The following CDA variants were observed in gnomAD, a reference collection of about 807,000 sequenced individuals.
CDA encodes cytidine deaminase.
A neutral mutation model predicts 15.0 loss-of-function variants in CDA; 7 were observed. The ratio of observed to expected loss-of-function variants is 0.47; its 90% CI spans 0.26 to 0.87. The LOEUF (loss-of-function observed/expected upper bound fraction) is 0.87, where lower values mean the gene tolerates loss of function less well. Ranked by LOEUF, CDA falls within the 40% of genes least tolerant of loss-of-function variation. The pLI, the probability that CDA is intolerant of heterozygous loss-of-function variation, is 0.15. For synonymous variants in CDA, 58 were observed against 73.0 expected (o/e 0.79, Z 1.05); for missense variants, 159 against 182.7 (o/e 0.87, Z 0.75).
rs1476192297 is a variant in CDA, at chr1:20,609,010, C to T, written c.266+3971C>T. Reference sequence around the variant, plus strand: ...TGTGTAAGCCATTACTGTTAATGCGCTGTCTCTACATCCTCAGTGCTAGGC... The same window carrying T: ...TGTGTAAGCCATTACTGTTAATGCGTTGTCTCTACATCCTCAGTGCTAGGC... On this transcript the variant is annotated intron_variant, in intron 2 of 3. Transcript: ENST00000375071. Among the ~76,000 whole-genome samples, 5 of 152,338 alleles carry T rather than the reference C, an allele frequency of 3.3e-5. No homozygotes were observed. The East Asian group carries it at 9.6e-4, about 29-fold the overall frequency.
intron 2 of CDA, among the ~76,000 whole-genome samples, chr1:20,608,393 A>T (rs575276209): frequency 3.0e-4 from 31 of 104,996 alleles, no homozygotes; most frequent in East Asian, 1.1e-3. Flanking sequence ...ACTATTATAT[A>T]GTTTTGTTTT....
At chr1:20,590,527 A>C (rs1229034730) in intron 1 of CDA, among the ~76,000 whole-genome samples, 1 of 152,194 alleles carries the variant, frequency 6.6e-6, no homozygotes, top group Non-Finnish European at 1.5e-5. Context: ...TCAGCCCTTG[A>C]TTCTTTCGAA....
At chr1:20,598,628 C>T (rs1410165571) in intron 1 of CDA, among the ~76,000 whole-genome samples, 1 of 152,214 alleles carries the variant, frequency 6.6e-6, no homozygotes, top group Admixed American at 6.5e-5. Context: ...CTGACTTGGC[C>T]ATTTTCTCAC....
At chr1:20,616,415 C>T (rs1393510710) in intron 3 of CDA, among the ~76,000 whole-genome samples, 1 of 152,138 alleles carries the variant, frequency 6.6e-6, no homozygotes, top group Non-Finnish European at 1.5e-5. Context: ...CTTCCTCCTG[C>T]TTCCTGCCAG....
At chr1:20,597,926 G>A (rs1441873154) in intron 1 of CDA, among the ~76,000 whole-genome samples, 1 of 148,322 alleles carries the variant, frequency 6.7e-6, no homozygotes, top group Non-Finnish European at 1.5e-5. Context: ...GAAAATTCAA[G>A]GAAATTACTT....
At chr1:20,607,951 C>T (rs1006144696) in intron 2 of CDA, among the ~76,000 whole-genome samples, 3 of 152,164 alleles carry the variant, frequency 2.0e-5, no homozygotes, top group African/African-American at 7.2e-5. Context: ...ATGAGACTGC[C>T]CCACTGGGTC....
chr1:20,606,128 T>A lies in CDA; in HGVS notation c.266+1089T>A, dbSNP rs1484174615. Among the ~76,000 whole-genome samples the A allele has an allele frequency of 3.2e-5, 4 of 124,114 alleles. 1 individual carries two copies. The highest frequency in any genetic ancestry group is 3.1e-4 in the Admixed American group (4 of 12,702). 81.4% of individuals were successfully genotyped at this position (124,114 alleles called of 152,430 possible). On this transcript the variant is annotated intron_variant, in intron 2 of 3. Coordinates refer to ENST00000375071, the MANE Select transcript of CDA (RefSeq NM_001785.3). ...GTGCACTCAAGGAGAAGGGCTCCAG[T>A]ATCCGATAGCCTTCCCTGTCACCGA...
intron 1 of CDA, among the ~76,000 whole-genome samples, chr1:20,601,450 G>C (rs938433757): frequency 6.6e-6 from 1 of 152,246 alleles, no homozygotes; most frequent in Admixed American, 6.5e-5. Context: ...TGTCAAAACA[G>C]TAGATGCTCA....
chr1:20,605,183 A>G, intron 2 of CDA, 144 bp downstream of exon 2: 2 of 702,632 alleles, frequency 2.8e-6, no homozygotes, highest in Non-Finnish European at 5.2e-6. Flanking sequence ...GGGCCCTGGG[A>G]TGAGTGCTGA....
intron 1 of CDA, among the ~76,000 whole-genome samples, chr1:20,591,952 T>C (rs951756909): frequency 6.6e-6 from 1 of 151,860 alleles, no homozygotes; most frequent in African/African-American, 2.4e-5. Flanking sequence ...CAAGCGATTC[T>C]CCTGCCTCAG....
chr1:20,610,189 T>C (rs941133820), intron 2 of CDA, among the ~76,000 whole-genome samples: 4 of 152,082 alleles, frequency 2.6e-5, no homozygotes, highest in Non-Finnish European at 5.9e-5. Context: ...CAGTAAATAT[T>C]TGTTGGTTGA....
At chr1:20,592,705 G>A (rs750158521) in intron 1 of CDA, among the ~76,000 whole-genome samples, 3 of 152,178 alleles carry the variant, frequency 2.0e-5, no homozygotes, top group Non-Finnish European at 4.4e-5. Context: ...TGAATGAAAG[G>A]CTTCTACTAG....
At chr1:20,608,250 T>C (rs1022790066) in intron 2 of CDA, among the ~76,000 whole-genome samples, 1 of 152,116 alleles carries the variant, frequency 6.6e-6, no homozygotes, top group Non-Finnish European at 1.5e-5. Context: ...CCAGCCGCAT[T>C]ATGGACCTTG....
At chr1:20,600,408 G>C (rs191543863) in intron 1 of CDA, among the ~76,000 whole-genome samples, 2 of 152,196 alleles carry the variant, frequency 1.3e-5, no homozygotes, top group Non-Finnish European at 2.9e-5. Context: ...AGGGATGTCA[G>C]TGAAGGTGGG....
intron 2 of CDA, among the ~76,000 whole-genome samples, chr1:20,612,900 G>A (rs901216705): frequency 7.6e-6 from 1 of 130,790 alleles, no homozygotes; most frequent in African/African-American, 2.9e-5. Context: ...CCAAGATCAC[G>A]CCACTGCACT....
At chr1:20,589,897 G>A (rs1442925601) in intron 1 of CDA, among the ~76,000 whole-genome samples, 1 of 152,188 alleles carries the variant, frequency 6.6e-6, no homozygotes, top group South Asian at 2.1e-4. Context: ...CTGGGCTTTC[G>A]GAGTCCAGCA....
chr1:20,613,808 A>C (rs960644756), intron 2 of CDA, 34 bp from the exon 3 acceptor site: 2 of 1,599,824 alleles, frequency 1.3e-6, no homozygotes, highest in Non-Finnish European at 1.7e-6. Context: ...TCCTTGGGAG[A>C]GACTAATTTG....
At chr1:20,609,570 G>A (rs190923977) in intron 2 of CDA, among the ~76,000 whole-genome samples, 92 of 152,274 alleles carry the variant, frequency 6.0e-4, no homozygotes, top group African/African-American at 2.1e-3. Context: ...AAGGAAGGCT[G>A]AATTTCATTC....
chr1:20,594,046 G>A (rs2101175755), intron 1 of CDA, among the ~76,000 whole-genome samples: 1 of 152,348 alleles, frequency 6.6e-6, no homozygotes, highest in Admixed American at 6.5e-5. Context: ...GCACAGCTGA[G>A]TTTAGACACT....
Sources: gnomAD v4.1 joint callset for allele counts (sites outside exome capture counted in the v4.1 genomes callset) on GRCh38, gnomAD v4.1.1 for gene constraint, MANE v1.5 for transcripts, NCBI Gene and HGNC (gene_info 2026-07-23, HGNC 2026-07-21) for gene names.